ARHGAP32: variants seen among roughly 807,000 people sequenced by gnomAD.
The protein encoded by ARHGAP32 is Rho GTPase activating protein 32, also known as rho GTPase-activating protein 32.
In ARHGAP32, 51 loss-of-function variants were observed where a neutral mutation model predicts 186.5. The ratio of observed to expected loss-of-function variants is 0.27; its 90% CI spans 0.22 to 0.35. ARHGAP32 has a LOEUF of 0.35. Ranked by LOEUF, ARHGAP32 falls within the 10% of genes least tolerant of loss-of-function variation. The pLI is 1.00. For missense variants in ARHGAP32, 2,186 were observed against 2,623.5 expected (o/e 0.83, Z 3.64); for synonymous variants, 950 against 964.3 (o/e 0.99, Z 0.27).
chr11:129,115,655 T>C (rs1413205284), intron 5 of ARHGAP32, among the ~76,000 whole-genome samples: 4 of 152,066 alleles, frequency 2.6e-5, no homozygotes, highest in African/African-American at 9.7e-5. Context: ...CATACATATT[T>C]TCACATTTCA....
chr11:129,216,493 T>C (rs1282373559), intron 1 of ARHGAP32, among the ~76,000 whole-genome samples: 1 of 151,746 alleles, frequency 6.6e-6, no homozygotes, highest in Non-Finnish European at 1.5e-5. Context: ...ATCAGCCTGG[T>C]GAAATCCTGA....
intron 1 of ARHGAP32, among the ~76,000 whole-genome samples, chr11:129,254,307 A>G (rs1381461614): frequency 6.6e-6 from 1 of 152,122 alleles, no homozygotes; most frequent in Non-Finnish European, 1.5e-5. Context: ...CCAATTTTAA[A>G]GAATGTATCA....
chr11:129,193,499 A>T (rs12798272), upstream of ARHGAP32, among the ~76,000 whole-genome samples: 42,536 of 64,156 alleles, frequency 0.66, 15,089 homozygotes, highest in Non-Finnish European at 0.72. Context: ...AAAAAAAAAA[A>T]ATATATATAT....
intron 1 of ARHGAP32, among the ~76,000 whole-genome samples, chr11:129,252,817 T>C (rs890768813): frequency 1.3e-5 from 2 of 152,210 alleles, no homozygotes; most frequent in Non-Finnish European, 2.9e-5. Flanking sequence ...TGAAAGCCTT[T>C]GTAAACGCTA....
At chr11:129,201,240 G>T (rs1166340194) in intron 1 of ARHGAP32, among the ~76,000 whole-genome samples, 1 of 152,134 alleles carries the variant, frequency 6.6e-6, no homozygotes, top group Non-Finnish European at 1.5e-5. Flanking sequence ...TTTGAGTCCT[G>T]TATCTTTCAC....
intron 2 of ARHGAP32, among the ~76,000 whole-genome samples, chr11:129,161,605 C>T (rs954900757): frequency 6.6e-6 from 1 of 152,148 alleles, no homozygotes; most frequent in African/African-American, 2.4e-5. Flanking sequence ...GAGATACCAC[C>T]TCACACTAGT....
intron 2 of ARHGAP32, among the ~76,000 whole-genome samples, chr11:129,149,666 A>C (rs1325202962): frequency 1.3e-5 from 2 of 152,274 alleles, no homozygotes; most frequent in South Asian, 2.1e-4. Flanking sequence ...CTTTCCACTT[A>C]AACAGACTAC....
At chr11:128,979,762 G>C (rs1945656090) in intron 18 of ARHGAP32, among the ~76,000 whole-genome samples, 3 of 152,180 alleles carry the variant, frequency 2.0e-5, no homozygotes, top group Admixed American at 2.0e-4. Flanking sequence ...ACCCAATCCA[G>C]AGAATCAAAA....
At chr11:129,180,401 C>T (rs1255780274) in intron 1 of ARHGAP32, among the ~76,000 whole-genome samples, 1 of 152,014 alleles carries the variant, frequency 6.6e-6, no homozygotes, top group East Asian at 1.9e-4. Context: ...ATAATCTATA[C>T]CTTGATTGGG....
intron 1 of ARHGAP32, among the ~76,000 whole-genome samples, chr11:129,251,038 T>C (rs1270740977): frequency 3.9e-5 from 6 of 152,202 alleles, no homozygotes; most frequent in African/African-American, 1.2e-4. Flanking sequence ...CAAGAAAATA[T>C]CTAAGAATTT....
intron 10 of ARHGAP32, among the ~76,000 whole-genome samples, chr11:129,060,916 C>A (rs1013778889): frequency 6.6e-6 from 1 of 152,046 alleles, no homozygotes; most frequent in Non-Finnish European, 1.5e-5. Context: ...GTCCCATAAT[C>A]CCCATTTTAC....
intron 1 of ARHGAP32, among the ~76,000 whole-genome samples, chr11:129,241,424 C>A (rs1357801130): frequency 6.6e-6 from 1 of 152,134 alleles, no homozygotes; most frequent in Non-Finnish European, 1.5e-5. Flanking sequence ...GGGAGAATCA[C>A]TCGAGCCCAA....
chr11:129,248,464 T>G (rs959086353), intron 1 of ARHGAP32, among the ~76,000 whole-genome samples: 4 of 152,214 alleles, frequency 2.6e-5, no homozygotes, highest in Non-Finnish European at 5.9e-5. Context: ...AATCATTCTA[T>G]GCTTCACCAA....
chr11:129,033,713 C>T (rs1939207579), intron 11 of ARHGAP32, among the ~76,000 whole-genome samples: 1 of 152,142 alleles, frequency 6.6e-6, no homozygotes, highest in Non-Finnish European at 1.5e-5. Flanking sequence ...TTTCGTCTTT[C>T]ACATACAGAT....
chr11:129,187,979 G>A (rs1944197136), intron 1 of ARHGAP32, among the ~76,000 whole-genome samples: 1 of 151,802 alleles, frequency 6.6e-6, no homozygotes, highest in Non-Finnish European at 1.5e-5. Context: ...TTTTTGAGAT[G>A]GAGTCTCATT....
At chr11:129,073,582 T>C (rs533290044) in intron 6 of ARHGAP32, among the ~76,000 whole-genome samples, 2 of 150,694 alleles carry the variant, frequency 1.3e-5, no homozygotes, top group African/African-American at 4.9e-5. Flanking sequence ...CATCTAGAAA[T>C]TGTGGGAAAA....
At chr11:129,078,749 T>A (rs1405796346) in intron 6 of ARHGAP32, among the ~76,000 whole-genome samples, 2 of 152,100 alleles carry the variant, frequency 1.3e-5, no homozygotes. Flanking sequence ...CACCTCAGCC[T>A]CCCAAACTGC....
chr11:129,004,033 T>A (rs891993710), intron 11 of ARHGAP32, among the ~76,000 whole-genome samples: 1 of 152,062 alleles, frequency 6.6e-6, no homozygotes, highest in African/African-American at 2.4e-5. Flanking sequence ...CAGCTTTTAT[T>A]GTATCCCATA....
chr11:129,251,222 C>T (rs1945178466), intron 1 of ARHGAP32, among the ~76,000 whole-genome samples: 1 of 152,150 alleles, frequency 6.6e-6, no homozygotes, highest in Non-Finnish European at 1.5e-5. Flanking sequence ...TACAGACTCT[C>T]CTTTTTCTCA....
Sources: gnomAD v4.1 joint callset for allele counts (sites outside exome capture counted in the v4.1 genomes callset) on GRCh38, gnomAD v4.1.1 for gene constraint, MANE v1.5 for transcripts, NCBI Gene and HGNC (gene_info 2026-07-23, HGNC 2026-07-21) for gene names.